The following CACNA1H variants were observed in gnomAD, a reference collection of about 807,000 sequenced individuals.
CACNA1H encodes voltage-dependent T-type calcium channel subunit alpha-1H.
A neutral mutation model predicts 192.5 loss-of-function variants in CACNA1H; 149 were observed. That is an observed-to-expected ratio of 0.77 (90% CI 0.68 to 0.89). CACNA1H has a LOEUF of 0.89. Among genes scored for constraint, CACNA1H ranks in the 40% least tolerant of loss-of-function variants. The pLI, the probability that CACNA1H is intolerant of heterozygous loss-of-function variation, is 0.00. For missense variants in CACNA1H, 4,257 were observed against 3,423.5 expected (o/e 1.24, Z -6.08); for synonymous variants, 2,202 against 1,475.2 (o/e 1.49, Z -11.29).
rs1484625176 is a variant in CACNA1H, at chr16:1,202,061, C to A, written c.1611C>A (p.Arg537=). ...HHYHFSHGSP[R]RPGPEPGACD... is the part of the protein sequence containing the mutation. ...ACCATTTCAGCCATGGCAGCCCCCGCAGGCCCGGCCCCGAGCCAGGCGCCT... is the reference window on the plus strand; with the variant it reads ...ACCATTTCAGCCATGGCAGCCCCCGAAGGCCCGGCCCCGAGCCAGGCGCCT... Residue 537 remains arginine, a synonymous_variant, in exon 9 of 35, where the codon CGC becomes CGA. Transcript: ENST00000348261. 6.5e-7 allele frequency: 1 copy of A among 1,539,348 alleles called. No individual in the cohort carries two copies. Among genetic ancestry groups the A allele is most frequent in the Non-Finnish European group, 8.7e-7 (1 of 1,144,650 alleles).
chr16:1,178,004 AGGCCTCCCCCACTCCCTCTCCCTGG>A (rs1965068667), intron 2 of CACNA1H, among the ~76,000 whole-genome samples: 1 of 25,564 alleles, frequency 3.9e-5, no homozygotes, highest in East Asian at 9.8e-4. Context: ...CCTCTCCCTG[AGGCCTCCCCCACTCCCTCTCCCTGG>A]GGACCCCATG....
intron 21 of CACNA1H, 74 bp from the exon 22 acceptor site, chr16:1,211,094 C>A: frequency 6.3e-7 from 1 of 1,581,146 alleles, no homozygotes. Flanking sequence ...CACCTTGGGA[C>A]CTTTGCTGAG....
chr16:1,154,172 T>C lies in CACNA1H; in HGVS notation c.299+136T>C, dbSNP rs1012233171. On this transcript the variant is annotated intron_variant, in intron 2 of 34. Coordinates refer to ENST00000348261, the MANE Select transcript of CACNA1H (RefSeq NM_021098.3). ...CTGGCGTGGGCCGGGCGCGCGGGGG[T>C]GCAGGGCAGGGGCTGGAGGACCGCG... is the stretch of plus-strand genomic sequence containing the variant. 1.3e-5 allele frequency: 7 copies of C among 554,534 alleles called. No homozygotes were observed. The African/African-American group carries it at 1.3e-4, about 10-fold the overall frequency. 34.4% of individuals were successfully genotyped at this position (554,534 alleles called of 1,614,324 possible). A position where few individuals can be genotyped will look rare whatever the true frequency, so the allele number is the denominator to read the frequency against.
At chr16:1,193,555 C>G (rs1293028788) in intron 2 of CACNA1H, among the ~76,000 whole-genome samples, 3 of 152,274 alleles carry the variant, frequency 2.0e-5, no homozygotes, top group Non-Finnish European at 4.4e-5. Context: ...GTGCTGTGGC[C>G]TTGCCCACCT....
At chr16:1,187,029 TGTTG>T (rs1966138683) in intron 2 of CACNA1H, among the ~76,000 whole-genome samples, 1 of 152,222 alleles carries the variant, frequency 6.6e-6, no homozygotes, top group African/African-American at 2.4e-5. Flanking sequence ...GGACCAAAGC[TGTTG>T]CTTCCTCTGC....
Position 1,182,071 on chromosome 16 carries a change from G to A in CACNA1H, c.300-12901G>A, listed in dbSNP as rs554442604. Among the ~76,000 whole-genome samples the A allele has an allele frequency of 1.4e-4, 22 of 152,340 alleles. No individual in the cohort carries two copies. The South Asian group carries it at 4.3e-3, about 30-fold the overall frequency. ...CACAGATGGACACAACGCTCCCCAG[G>A]GTGAGAAGTGGCCGCCCAGGTGAGC... On this transcript the variant is annotated intron_variant, in intron 2 of 34. Transcript: ENST00000348261.
rs1338643122 is a variant in CACNA1H, at chr16:1,207,043, G to A, written c.2832G>A (p.Lys944=). Residue 944 remains lysine (K), a synonymous_variant, in exon 13 of 35, where the codon AAG becomes AAA. Coordinates refer to ENST00000348261, the MANE Select transcript of CACNA1H (RefSeq NM_021098.3). The part of the protein sequence containing the change: ...MHLFGCKFSL[K]TDTGDTVPDR... ...TTTTCGGCTGCAAGTTCAGCCTGAA[G>A]ACAGACACCGGAGACACCGTGCCTG... is the stretch of plus-strand genomic sequence containing the variant. 2 of 1,601,834 alleles carry A rather than the reference G, an allele frequency of 1.2e-6. No homozygotes were observed. The highest frequency in any genetic ancestry group is 1.7e-6 in the Non-Finnish European group (2 of 1,174,300).
chr16:1,211,987 C>A lies in CACNA1H; in HGVS notation c.4608C>A (p.Ile1536=). The A allele has an allele frequency of 6.2e-7, 1 of 1,613,560 alleles. No individual in the cohort carries two copies. The highest frequency in any genetic ancestry group is 2.2e-5 in the East Asian group (1 of 44,880). The change falls in exon 25 of 35, where the codon ATC becomes ATA. Residue 1536 remains isoleucine, a synonymous_variant. Transcript: ENST00000348261. ...ACCCCTGGATGCTGCTGTACTTCAT[C>A]TCCTTCCTGCTCATCGTCAGCTTCT... ...NHNPWMLLYF[I]SFLLIVSFFV... is the part of the protein sequence containing the mutation.
At chr16:1,198,964 C>T (rs1031617763) in intron 6 of CACNA1H, 190 bp downstream of exon 6, 4 of 590,324 alleles carry the variant, frequency 6.8e-6, no homozygotes, top group Admixed American at 3.0e-5. Flanking sequence ...CATGGCTCCG[C>T]CCAGCTGGCA....
At chr16:1,218,693 G>T in intron 33 of CACNA1H, 42 bp downstream of exon 33, 1 of 1,486,578 alleles carries the variant, frequency 6.7e-7, no homozygotes, top group Non-Finnish European at 9.0e-7. Context: ...GTGGGAAGCA[G>T]GACAGGGAGG....
At chr16:1,207,884 C>T (rs200454308) in intron 15 of CACNA1H, 24 bp downstream of exon 15, 106 of 1,560,602 alleles carry the variant, frequency 6.8e-5, no homozygotes, top group East Asian at 6.2e-4. Context: ...GTGGGTGGTC[C>T]GGGTTCTGGC....
In CACNA1H at chr16:1,153,343, GGGGCCGGGGCCGGGGCCGGGGGC is replaced by G. The variant is rs1961823886; in HGVS notation, c.-143_-121del. The G allele has an allele frequency of 1.1e-5, 1 of 92,902 alleles. No homozygotes were observed. The highest frequency in any genetic ancestry group is 2.5e-5 in the Non-Finnish European group (1 of 40,608). The allele number at this position is 92,902 out of a possible 1,614,324, so 5.8% of individuals were successfully genotyped here. A position where few individuals can be genotyped will look rare whatever the true frequency, so the allele number is the denominator to read the frequency against. On this transcript the variant is annotated 5_prime_UTR_variant, in exon 1 of 35. Transcript: ENST00000348261. The stretch of plus-strand genomic sequence containing the variant: ...ACGCGGGCCGGGGGCGGAGGCGCTG[GGGGCCGGGGCCGGGGCCGGGGGC>G]GGAGGCGCTGGGGGCCGGGGCCGGG...
intron 30 of CACNA1H, among the ~76,000 whole-genome samples, chr16:1,216,201 C>T (rs149682193): frequency 6.6e-6 from 1 of 152,324 alleles, no homozygotes; most frequent in Non-Finnish European, 1.5e-5. Flanking sequence ...CATTTCCTGT[C>T]CCTGCGCCAT....
At chr16:1,189,083 G>A (rs189648960) in intron 2 of CACNA1H, among the ~76,000 whole-genome samples, 13 of 152,370 alleles carry the variant, frequency 8.5e-5, no homozygotes, top group Admixed American at 7.2e-4. Flanking sequence ...GCTTACTGCC[G>A]CAGAAAGGAG....
intron 2 of CACNA1H, among the ~76,000 whole-genome samples, chr16:1,159,040 G>T (rs1272968823): frequency 6.6e-6 from 1 of 152,242 alleles, no homozygotes; most frequent in African/African-American, 2.4e-5. Context: ...GCCCCTGTTC[G>T]CCTGCCTGAG....
chr16:1,165,145 G>A (rs932298855), intron 2 of CACNA1H, among the ~76,000 whole-genome samples: 1 of 152,166 alleles, frequency 6.6e-6, no homozygotes, highest in Admixed American at 6.5e-5. Flanking sequence ...GAGTGGGTGG[G>A]GGTGCGGCAG....
rs771028729 is a variant in CACNA1H, at chr16:1,220,824, G to C, written c.6892G>C (p.Gly2298Arg). 3.1e-6 allele frequency: 5 copies of C among 1,612,680 alleles called. No homozygotes were observed. The highest frequency in any genetic ancestry group is 4.2e-6 in the Non-Finnish European group (5 of 1,179,792). The change falls in exon 35 of 35, where the codon GGG becomes CGG. Residue 2298 changes from glycine to arginine, a missense_variant. Coordinates refer to ENST00000348261, the MANE Select transcript of CACNA1H (RefSeq NM_021098.3). Reference protein sequence around the residue: ...VTPESRASSSGAIVPLEPPES... With the variant: ...VTPESRASSSRAIVPLEPPES... ...CCCAGAATCCAGAGCTTCCTCTTCA[G>C]GGGCCATAGTGCCCCTGGAACCCCC...
At chr16:1,161,124 CTTGAGCGAGACCTCAGCG>C (rs2151649076) in intron 2 of CACNA1H, among the ~76,000 whole-genome samples, 1 of 152,334 alleles carries the variant, frequency 6.6e-6, no homozygotes, top group East Asian at 1.9e-4. Flanking sequence ...CAGAAAAGGC[CTTGAGCGAGACCTCAGCG>C]TCTGCTGGCC....
At position 1,218,307 on chromosome 16, in the gene CACNA1H, A is replaced by C; in HGVS notation, c.5543A>C (p.Gln1848Pro). ...VYFVTFVLVA[Q>P]FVLVNVVVAV... ...TTCGTGACCTTCGTGCTGGTGGCCC[A>C]GTTCGTGCTGGTGAACGTGGTGGTG... The change falls in exon 33 of 35, where the codon CAG becomes CCG. Residue 1848 changes from glutamine (Q) to proline (P), a missense_variant. By Grantham distance (76) the Gln-to-Pro change is moderately conservative (BLOSUM62 -1). Transcript: ENST00000348261. 6.4e-7 allele frequency: 1 copy of C among 1,555,548 alleles called. No homozygotes were observed. Among genetic ancestry groups the C allele is most frequent in the East Asian group, 2.4e-5 (1 of 41,186 alleles).
Sources: allele counts gnomAD v4.1 joint callset (sites outside exome capture counted in the v4.1 genomes callset), GRCh38; gene constraint gnomAD v4.1.1; transcripts MANE v1.5; gene names NCBI Gene and HGNC (gene_info 2026-07-23, HGNC 2026-07-21).